SLC27A2: variants seen among roughly 807,000 people sequenced by gnomAD.
SLC27A2 encodes solute carrier family 27 member 2.
SLC27A2 carries 54 observed loss-of-function variants against 60.0 expected under a neutral mutation model. The observed-to-expected ratio is 0.90, with a 90% CI of 0.72 to 1.13. SLC27A2 has a LOEUF of 1.13. Ranked by LOEUF, SLC27A2 falls within the 50% of genes most tolerant of loss-of-function variation. SLC27A2 has a pLI of 0.00. For synonymous variants in SLC27A2, 297 were observed against 297.6 expected (o/e 1.00, Z 0.02); for missense variants, 739 against 777.6 (o/e 0.95, Z 0.59).
intron 2 of SLC27A2, 93 bp from the exon 3 acceptor site, chr15:50,202,394 C>G: frequency 7.7e-7 from 1 of 1,303,354 alleles, no homozygotes; most frequent in Non-Finnish European, 1.1e-6. Context: ...TCTCAAAATA[C>G]AGGGTGATGA....
At chr15:50,200,250 G>A (rs1020810952) in intron 2 of SLC27A2, among the ~76,000 whole-genome samples, 3 of 152,022 alleles carry the variant, frequency 2.0e-5, no homozygotes, top group African/African-American at 7.2e-5. Flanking sequence ...AATAAAGCAA[G>A]ACCTTGTCTC....
chr15:50,235,572 T>C (rs1026808003), intron 9 of SLC27A2, among the ~76,000 whole-genome samples: 3 of 152,214 alleles, frequency 2.0e-5, no homozygotes, highest in African/African-American at 7.2e-5. Flanking sequence ...ATGGGTATCA[T>C]ATAAAACTTT....
At chr15:50,204,409 A>G (rs1300567182) in intron 3 of SLC27A2, among the ~76,000 whole-genome samples, 1 of 151,896 alleles carries the variant, frequency 6.6e-6, no homozygotes, top group Non-Finnish European at 1.5e-5. Flanking sequence ...GTGAGCCAAG[A>G]TTTCACCACT....
At chr15:50,205,452 G>T (rs1020535082) in intron 4 of SLC27A2, 89 bp downstream of exon 4, 52 of 1,306,100 alleles carry the variant, frequency 4.0e-5, no homozygotes, top group Non-Finnish European at 5.3e-5. Flanking sequence ...CAACTGATTT[G>T]CATATATCAG....
intron 6 of SLC27A2, 27 bp downstream of exon 6, chr15:50,226,105 CTG>C: frequency 7.3e-7 from 1 of 1,371,802 alleles, no homozygotes; most frequent in Non-Finnish European, 1.0e-6. Context: ...TTCAATCAAC[CTG>C]TGCCCCTTCT....
At chr15:50,213,921 C>G (rs1263500752) in intron 4 of SLC27A2, among the ~76,000 whole-genome samples, 1 of 151,796 alleles carries the variant, frequency 6.6e-6, no homozygotes, top group Middle Eastern at 3.2e-3. Flanking sequence ...CAAGAACAAA[C>G]CAAACCCAAA....
chr15:50,205,655 C>G (rs145425683), intron 4 of SLC27A2, among the ~76,000 whole-genome samples: 2,357 of 152,218 alleles, frequency 0.015, 13 homozygotes, highest in Non-Finnish European at 0.024. Context: ...AAGCCAGTGT[C>G]AAAGCCCAGT....
At chr15:50,193,520 A>G (rs1361977979) in intron 1 of SLC27A2, among the ~76,000 whole-genome samples, 5 of 152,250 alleles carry the variant, frequency 3.3e-5, no homozygotes, top group Non-Finnish European at 7.3e-5. Context: ...GAGTCTCATG[A>G]CAGGAGGAAA....
chr15:50,235,277 A>G (rs947684866), intron 9 of SLC27A2, among the ~76,000 whole-genome samples: 10 of 152,210 alleles, frequency 6.6e-5, no homozygotes, highest in Non-Finnish European at 1.3e-4. Flanking sequence ...ATTAACACAT[A>G]ATTGAAGGAA....
chr15:50,200,446 TAAAAC>T (rs201955393), intron 2 of SLC27A2, among the ~76,000 whole-genome samples: 7,314 of 151,448 alleles, frequency 0.048, 249 homozygotes, highest in South Asian at 0.069. Flanking sequence ...TAATAATACA[TAAAAC>T]AAAACAAAAA....
chr15:50,233,207 C>G lies in SLC27A2; in HGVS notation c.1556-661C>G, dbSNP rs954365282. Among the ~76,000 whole-genome samples the G allele has an allele frequency of 3.9e-5, 6 of 152,130 alleles. No homozygotes were observed. The East Asian group carries it at 5.8e-4, about 15-fold the overall frequency. On this transcript the variant is annotated intron_variant, in intron 8 of 9. Transcript: ENST00000267842. ...CTTCACCTCCTGTCCCACATCCTCTCCAAAATGCAGACAAGAAAAGCCATT... is the reference window on the plus strand; with the variant it reads ...CTTCACCTCCTGTCCCACATCCTCTGCAAAATGCAGACAAGAAAAGCCATT...
chr15:50,190,613 T>A (rs1259424045), intron 1 of SLC27A2, among the ~76,000 whole-genome samples: 1 of 50,666 alleles, frequency 2.0e-5, no homozygotes, highest in Non-Finnish European at 5.2e-5. Flanking sequence ...TCTTCCTTTT[T>A]CCTTAAAAAA....
chr15:50,225,880 G>A, intron 5 of SLC27A2, 108 bp from the exon 6 acceptor site: 2 of 696,942 alleles, frequency 2.9e-6, no homozygotes, highest in South Asian at 2.2e-5. Flanking sequence ...ATATGCAAAT[G>A]CAAAATTTCT....
chr15:50,225,351 G>A (rs2045271681), intron 5 of SLC27A2, among the ~76,000 whole-genome samples: 1 of 152,098 alleles, frequency 6.6e-6, no homozygotes, highest in South Asian at 2.1e-4. Flanking sequence ...TGAATTATAT[G>A]TTAAATATGA....
chr15:50,196,074 A>T (rs2045017076), intron 1 of SLC27A2, among the ~76,000 whole-genome samples: 4 of 16,278 alleles, frequency 2.5e-4, no homozygotes, highest in Non-Finnish European at 3.6e-4. Flanking sequence ...AAAAAAAAAA[A>T]AAAATATATA....
chr15:50,224,716 T>C (rs1019981344), intron 5 of SLC27A2, among the ~76,000 whole-genome samples: 3 of 152,206 alleles, frequency 2.0e-5, no homozygotes, highest in African/African-American at 7.2e-5. Flanking sequence ...TTAAGTTATA[T>C]TAATAAAAGT....
chr15:50,236,280 T>C lies in SLC27A2; in HGVS notation c.*184T>C. 2 of 476,966 alleles carry C rather than the reference T, an allele frequency of 4.2e-6. No homozygotes were observed. The highest frequency in any genetic ancestry group is 6.6e-5 in the East Asian group (2 of 30,192). The allele number at this position is 476,966 out of a possible 1,614,324, so 29.5% of individuals were successfully genotyped here. ...GCAAGTAAAAAGATTTAGAGATTATTATTTTTCAGTGTGCACCTACTGTTT... is the reference window on the plus strand; with the variant it reads ...GCAAGTAAAAAGATTTAGAGATTATCATTTTTCAGTGTGCACCTACTGTTT... On this transcript the variant is annotated 3_prime_UTR_variant, in exon 10 of 10. Coordinates refer to ENST00000267842, the MANE Select transcript of SLC27A2 (RefSeq NM_003645.4).
chr15:50,195,320 A>C (rs543793515), intron 1 of SLC27A2, among the ~76,000 whole-genome samples: 6 of 150,820 alleles, frequency 4.0e-5, no homozygotes, highest in South Asian at 2.1e-4. Flanking sequence ...TGAAAAAAAA[A>C]AAAAAAACAA....
chr15:50,233,630 C>A (rs577262217), intron 8 of SLC27A2, among the ~76,000 whole-genome samples: 1 of 152,158 alleles, frequency 6.6e-6, no homozygotes, highest in Non-Finnish European at 1.5e-5. Context: ...TAAGTGAGAT[C>A]ATCAATACAA....
Sources: gnomAD v4.1 joint callset for allele counts (sites outside exome capture counted in the v4.1 genomes callset) on GRCh38, gnomAD v4.1.1 for gene constraint, MANE v1.5 for transcripts, NCBI Gene and HGNC (gene_info 2026-07-23, HGNC 2026-07-21) for gene names.